BACE2: variants seen among roughly 807,000 people sequenced by gnomAD.
The protein encoded by BACE2 is 56 kDa aspartic-like protease.
Under a neutral mutation model 46.2 loss-of-function variants are expected in BACE2, and 17 were observed. The ratio of observed to expected loss-of-function variants is 0.37; its 90% CI spans 0.25 to 0.55. The LOEUF (loss-of-function observed/expected upper bound fraction) is 0.55, where lower values mean the gene tolerates loss of function less well. Among genes scored for constraint, BACE2 ranks in the 20% least tolerant of loss-of-function variants. The probability of loss-of-function intolerance (pLI) is 0.82; values close to 1 mark genes in which losing one functional copy is unlikely to be tolerated. For missense variants in BACE2, 595 were observed against 698.1 expected (o/e 0.85, Z 1.66); for synonymous variants, 277 against 295.9 (o/e 0.94, Z 0.66).
chr21:41,242,246 G>A (rs1022020758), intron 4 of BACE2, among the ~76,000 whole-genome samples: 8 of 151,990 alleles, frequency 5.3e-5, no homozygotes, highest in African/African-American at 9.7e-5. Flanking sequence ...AGTGAGGAGC[G>A]GTGGGGGGCG....
intron 6 of BACE2, among the ~76,000 whole-genome samples, chr21:41,247,757 G>A (rs765478018): frequency 1.3e-5 from 2 of 152,242 alleles, no homozygotes; most frequent in Non-Finnish European, 2.9e-5. Flanking sequence ...ATTTGTTTGC[G>A]TTGTCTAAAA....
chr21:41,246,967 A>C (rs1399472269), intron 6 of BACE2, among the ~76,000 whole-genome samples: 1 of 152,180 alleles, frequency 6.6e-6, no homozygotes, highest in African/African-American at 2.4e-5. Context: ...CTATTTGTTC[A>C]GATGCGAGAG....
intron 1 of BACE2, among the ~76,000 whole-genome samples, chr21:41,224,209 A>ATTTTTTTTTTTTTTT (rs10658440): frequency 9.1e-5 from 9 of 98,896 alleles, no homozygotes; most frequent in African/African-American, 1.8e-4. Flanking sequence ...GCCTATTTTG[A>ATTTTTTTTTTTTTTT]TTTTTTTTTT....
At chr21:41,183,529 A>G (rs1985227932) in intron 1 of BACE2, 1 of 166,726 alleles carries the variant, frequency 6.0e-6, no homozygotes, top group South Asian at 2.1e-4. Context: ...CCCGATAGGT[A>G]TGGAAAACAG....
At chr21:41,266,533 G>A (rs77170853) in intron 8 of BACE2, among the ~76,000 whole-genome samples, 2 of 152,380 alleles carry the variant, frequency 1.3e-5, no homozygotes, top group African/African-American at 2.4e-5. Context: ...CAGGTTGTGC[G>A]AATTTAGATG....
At chr21:41,186,004 G>A (rs1985361611) in intron 1 of BACE2, 1 of 152,372 alleles carries the variant, frequency 6.6e-6, no homozygotes, top group African/African-American at 2.4e-5. Context: ...CCAAAGTGGA[G>A]CAATAAAATG....
At chr21:41,190,776 C>T (rs2123512422) in intron 1 of BACE2, among the ~76,000 whole-genome samples, 1 of 152,302 alleles carries the variant, frequency 6.6e-6, no homozygotes, top group South Asian at 2.1e-4. Context: ...TCCTGTATTC[C>T]ATGAGTACTC....
chr21:41,198,643 A>G (rs1985827291), intron 1 of BACE2, among the ~76,000 whole-genome samples: 2 of 152,170 alleles, frequency 1.3e-5, no homozygotes, highest in South Asian at 4.1e-4. Flanking sequence ...CGGGTGGCGT[A>G]TTTGACTCCT....
At chr21:41,208,186 A>G (rs1169143939) in intron 1 of BACE2, among the ~76,000 whole-genome samples, 1 of 152,212 alleles carries the variant, frequency 6.6e-6, no homozygotes, top group Admixed American at 6.5e-5. Context: ...AAACCCACAG[A>G]CACACCTTTC....
intron 3 of BACE2, among the ~76,000 whole-genome samples, chr21:41,241,563 T>C (rs1384803104): frequency 6.6e-6 from 1 of 152,210 alleles, no homozygotes; most frequent in African/African-American, 2.4e-5. Flanking sequence ...TAGATGTGAC[T>C]GCGTCGAATG....
chr21:41,190,387 G>A (rs550989755), intron 1 of BACE2, among the ~76,000 whole-genome samples: 40 of 152,300 alleles, frequency 2.6e-4, no homozygotes, highest in African/African-American at 9.1e-4. Flanking sequence ...TTTGAAGTCA[G>A]TAAATCTTAT....
intron 1 of BACE2, among the ~76,000 whole-genome samples, chr21:41,208,669 G>T (rs1601268433): frequency 6.6e-6 from 1 of 152,148 alleles, no homozygotes; most frequent in Non-Finnish European, 1.5e-5. Flanking sequence ...AGGGGTACAG[G>T]GTAAGGGTAT....
chr21:41,254,021 C>T (rs1987710655), intron 7 of BACE2, among the ~76,000 whole-genome samples: 3 of 152,158 alleles, frequency 2.0e-5, no homozygotes, highest in Admixed American at 6.5e-5. Flanking sequence ...GCCCAGCAGC[C>T]TTTCTAACAC....
intron 1 of BACE2, chr21:41,179,310 T>C: frequency 8.1e-7 from 1 of 1,238,846 alleles, no homozygotes; most frequent in Non-Finnish European, 1.0e-6. Context: ...GGTGTCAGGG[T>C]GAGTGAGAGT....
At position 41,275,749 on chromosome 21, in the gene BACE2, C is replaced by G. The variant is rs2088481348; in HGVS notation, c.*125C>G. ...CCACCCGTCTTCAATCTCTGTTCTG[C>G]TCCCAGATGCCTTCTAGATTCACTG... is the stretch of plus-strand genomic sequence containing the variant. On this transcript the variant is annotated 3_prime_UTR_variant, in exon 9 of 9. Transcript: ENST00000330333. The G allele has an allele frequency of 4.5e-6, 5 of 1,099,988 alleles. No individual in the cohort carries two copies. The East Asian group carries it at 7.6e-5, about 17-fold the overall frequency. 68.1% of individuals were successfully genotyped at this position (1,099,988 alleles called of 1,614,324 possible). A position where few individuals can be genotyped will look rare whatever the true frequency, so the allele number is the denominator to read the frequency against.
chr21:41,237,658 T>C lies in BACE2; in HGVS notation c.547T>C (p.Ser183Pro). 1 of 1,614,214 alleles carries C rather than the reference T, an allele frequency of 6.2e-7. No homozygotes were observed. The highest frequency in any genetic ancestry group is 8.5e-7 in the Non-Finnish European group (1 of 1,180,016). The change falls in exon 3 of 9, where the codon TCA becomes CCA. Residue 183 changes from serine to proline, a missense_variant. Around this residue, in one of 3 missense-constraint regions of BACE2, gnomAD observed 248 missense variants for 261.4 expected, o/e 0.95. Transcript: ENST00000330333. ...TGTCAACATTGCCACTATTTTTGAA[T>C]CAGAGAATTTCTTTTTGCCTGGGAT... ...FLVNIATIFE[S>P]ENFFLPGIKW...
chr21:41,259,699 T>C (rs565919929), intron 8 of BACE2, among the ~76,000 whole-genome samples: 2 of 152,102 alleles, frequency 1.3e-5, no homozygotes, highest in Non-Finnish European at 2.9e-5. Context: ...ATTTATAATT[T>C]TACTAGATGG....
At chr21:41,271,888 G>T (rs985694747) in intron 8 of BACE2, among the ~76,000 whole-genome samples, 1 of 152,058 alleles carries the variant, frequency 6.6e-6, no homozygotes, top group Non-Finnish European at 1.5e-5. Flanking sequence ...TAAAAGTAAA[G>T]ATTTTATAAC....
chr21:41,211,011 C>T (rs1400391955), intron 1 of BACE2, among the ~76,000 whole-genome samples: 4 of 152,200 alleles, frequency 2.6e-5, no homozygotes, highest in East Asian at 1.9e-4. Flanking sequence ...GCAGGATGGC[C>T]GCCTTGCACC....
Sources: gnomAD v4.1 joint callset for allele counts (sites outside exome capture counted in the v4.1 genomes callset) on GRCh38, gnomAD v4.1.1 for gene constraint, gnomAD v4.1.1 regional missense constraint, MANE v1.5 for transcripts, NCBI Gene and HGNC (gene_info 2026-07-23, HGNC 2026-07-21) for gene names.